GREB1: variants seen among roughly 807,000 people sequenced by gnomAD.
The protein encoded by GREB1 is protein GREB1.
In GREB1, 106 loss-of-function variants were observed where a neutral mutation model predicts 200.7. That is an observed-to-expected ratio of 0.53 (90% CI 0.45 to 0.62). The LOEUF (loss-of-function observed/expected upper bound fraction) is 0.62, where lower values mean the gene tolerates loss of function less well. GREB1 is among the 20% of genes least tolerant of loss of function. The pLI is 0.00. For missense variants in GREB1, 2,243 were observed against 2,556.8 expected, an observed-to-expected ratio of 0.88 and a Z score of 2.65; for synonymous variants, 1,132 against 1,092.4, an observed-to-expected ratio of 1.04 and a Z score of -0.72.
At chr2:11,510,380 C>G (rs1673315578) in intron 1 of GREB1, among the ~76,000 whole-genome samples, 1 of 152,202 alleles carries the variant, frequency 6.6e-6, no homozygotes, top group Admixed American at 6.5e-5. Flanking sequence ...TTCAATCTTT[C>G]ATCATTGGAT....
At position 11,493,818 on chromosome 2, in the gene GREB1, C is replaced by T. The variant is rs1371021483; in HGVS notation, c.-159+11437C>T. On this transcript the variant is annotated intron_variant, in intron 1 of 2. Transcript: ENST00000628795. The surrounding 1 kb of genome is among the most constrained non-coding windows in gnomAD (Gnocchi z 4.6). ...TGAGGTATAAGTTGCAAACTCTGAC[C>T]TCTGGGGGCAATTTGTAAACTCCAG... Among the ~76,000 whole-genome samples the T allele has an allele frequency of 6.6e-6, 1 of 152,092 alleles. No individual in the cohort carries two copies. Among genetic ancestry groups the T allele is most frequent in the East Asian group, 1.9e-4 (1 of 5,200 alleles).
At chr2:11,491,933 A>C (rs1322501146) in intron 1 of GREB1, among the ~76,000 whole-genome samples, 1 of 152,130 alleles carries the variant, frequency 6.6e-6, no homozygotes, top group Admixed American at 6.5e-5. Context: ...TAGTGCTCTA[A>C]TCCACTATGT....
rs1288131209 is a variant in GREB1 at position 11,580,710 on chromosome 2, C to G, written c.779C>G (p.Ala260Gly). 1 of 1,610,442 alleles carries G rather than the reference C, an allele frequency of 6.2e-7. No individual in the cohort carries two copies. Reference protein sequence around the residue: ...ILMGAQQAGPASDHPSLNAAM... With the variant: ...ILMGAQQAGPGSDHPSLNAAM... ...GCCTTCTATCTGTTTTCAGGACCAG[C>G]TTCTGATCACCCCTCACTAAACGCA... The change falls in exon 7 of 33, where the codon GCT (alanine) becomes GGT (glycine). Residue 260 changes from alanine (A) to glycine (G), a missense_variant. By Grantham distance (60) the Ala-to-Gly change is moderately conservative. Coordinates refer to ENST00000381486, the MANE Select transcript of GREB1 (RefSeq NM_014668.4). This position sits in a 1 kb window ranked among gnomAD's most constrained non-coding sequence, Gnocchi z 4.5.
At chr2:11,554,839 G>C (rs1250460914) in intron 1 of GREB1, among the ~76,000 whole-genome samples, 1 of 152,188 alleles carries the variant, frequency 6.6e-6, no homozygotes, top group Non-Finnish European at 1.5e-5. Context: ...TTCAAAAGTA[G>C]AGTTTCTAAA....
At chr2:11,577,999 G>T (rs953457169) in intron 5 of GREB1, among the ~76,000 whole-genome samples, 1 of 152,190 alleles carries the variant, frequency 6.6e-6, no homozygotes, top group Admixed American at 6.5e-5. Flanking sequence ...TAACACTCTC[G>T]TCTATGGCTA....
At chr2:11,515,104 A>ATCTT (rs1558493973) in intron 1 of GREB1, among the ~76,000 whole-genome samples, 2 of 91,338 alleles carry the variant, frequency 2.2e-5, no homozygotes, top group African/African-American at 8.3e-5. Context: ...CCATCTATCC[A>ATCTT]TCCTTCCATC....
At chr2:11,546,279 T>C (rs1675269838) in intron 1 of GREB1, among the ~76,000 whole-genome samples, 1 of 152,192 alleles carries the variant, frequency 6.6e-6, no homozygotes, top group Middle Eastern at 3.2e-3. Context: ...AATAATACTT[T>C]TGTCATTGAG....
Position 11,616,026 on chromosome 2 carries a change from G to A in GREB1, c.3323-605G>A, listed in dbSNP as rs751280517. Among the ~76,000 whole-genome samples the A allele has an allele frequency of 2.8e-4, 43 of 152,188 alleles. 1 individual carries two copies. The highest frequency in any genetic ancestry group is 5.3e-4 in the Non-Finnish European group (36 of 68,034). ...CCTGCCCGCCTGTAGCCATCTTTTC[G>A]AAGCACGGCAGAGACTCTGATTTAA... is the stretch of plus-strand genomic sequence containing the variant. On this transcript the variant is annotated intron_variant, in intron 20 of 32. Transcript: ENST00000381486.
At chr2:11,555,638 C>T (rs534906345) in intron 1 of GREB1, among the ~76,000 whole-genome samples, 4 of 152,226 alleles carry the variant, frequency 2.6e-5, no homozygotes, top group Admixed American at 6.5e-5. Context: ...CAAAAGACCT[C>T]GTACTGAATG....
chr2:11,513,530 C>T (rs1212287001), intron 1 of GREB1, among the ~76,000 whole-genome samples: 1 of 152,176 alleles, frequency 6.6e-6, no homozygotes, highest in Non-Finnish European at 1.5e-5. Flanking sequence ...TTCAGGAAGC[C>T]TTCCCTGATC....
chr2:11,601,621 A>G (rs1214344165), intron 16 of GREB1, among the ~76,000 whole-genome samples: 12 of 152,228 alleles, frequency 7.9e-5, no homozygotes. Flanking sequence ...TCCTCTGAGA[A>G]ACTTTAAAAA....
chr2:11,635,953 C>T (rs922850500), intron 30 of GREB1, among the ~76,000 whole-genome samples: 4 of 152,226 alleles, frequency 2.6e-5, no homozygotes, highest in Non-Finnish European at 4.4e-5. Context: ...TCCCCAGTCC[C>T]GTGGGCCAGA....
chr2:11,562,832 A>G (rs1332079311), intron 3 of GREB1: 2 of 351,598 alleles, frequency 5.7e-6, no homozygotes, highest in South Asian at 7.1e-5. Flanking sequence ...CTCTTTGGAC[A>G]GTCTCAACTT....
intron 7 of GREB1, among the ~76,000 whole-genome samples, chr2:11,582,052 G>C (rs1015836721): frequency 9.1e-6 from 1 of 109,364 alleles, no homozygotes; most frequent in Non-Finnish European, 1.7e-5. Flanking sequence ...AGGGACTGCT[G>C]CTTCTCTGCC....
chr2:11,604,373 G>T (rs949384597), intron 17 of GREB1, among the ~76,000 whole-genome samples: 2 of 152,136 alleles, frequency 1.3e-5, no homozygotes, highest in African/African-American at 2.4e-5. Context: ...GTACTATAAG[G>T]ATTAAATGGA....
At chr2:11,533,891 C>A (rs1220305902), upstream of GREB1, among the ~76,000 whole-genome samples, 1 of 152,108 alleles carries the variant, frequency 6.6e-6, no homozygotes, top group Non-Finnish European at 1.5e-5. Context: ...ATATGTGTTC[C>A]TAAAAATTAT....
At chr2:11,516,135 C>G (rs1673490075) in intron 1 of GREB1, among the ~76,000 whole-genome samples, 1 of 152,218 alleles carries the variant, frequency 6.6e-6, no homozygotes, top group South Asian at 2.1e-4. Flanking sequence ...GATCTTTAGA[C>G]TTGGACATCA....
At chr2:11,551,505 T>C (rs923808369) in intron 1 of GREB1, among the ~76,000 whole-genome samples, 1 of 152,246 alleles carries the variant, frequency 6.6e-6, no homozygotes, top group African/African-American at 2.4e-5. Flanking sequence ...GTCTGTCGCC[T>C]ATACAATGTC....
intron 17 of GREB1, among the ~76,000 whole-genome samples, chr2:11,607,661 AG>A (rs1389781589): frequency 2.7e-5 from 3 of 110,718 alleles, no homozygotes; most frequent in African/African-American, 1.1e-4. Flanking sequence ...AGAAAAGCAC[AG>A]TTTTATGACA....
Sources: allele counts gnomAD v4.1 joint callset (sites outside exome capture counted in the v4.1 genomes callset), GRCh38; gene constraint gnomAD v4.1.1; non-coding constraint Gnocchi (gnomAD v3.1); transcripts MANE v1.5; gene names NCBI Gene and HGNC (gene_info 2026-07-23, HGNC 2026-07-21).